ARFGEF2: variants seen among roughly 807,000 people sequenced by gnomAD.
ARFGEF2 encodes the protein ARF guanine nucleotide exchange factor 2, also known as brefeldin A-inhibited guanine nucleotide-exchange protein 2.
In ARFGEF2, 74 loss-of-function variants were observed where a neutral mutation model predicts 219.9. That is an observed-to-expected ratio of 0.34 (90% CI 0.28 to 0.41). ARFGEF2 has a LOEUF of 0.41. Ranked by LOEUF, ARFGEF2 falls within the 10% of genes least tolerant of loss-of-function variation. The pLI is 1.00. For synonymous variants in ARFGEF2, 733 were observed against 799.2 expected, an observed-to-expected ratio of 0.92 and a Z score of 1.40; for missense variants, 1,743 against 2,218.3, an observed-to-expected ratio of 0.79 and a Z score of 4.30.
chr20:49,017,618 G>A, intron 33 of ARFGEF2, 68 bp downstream of exon 33: 1 of 1,538,470 alleles, frequency 6.5e-7, no homozygotes, highest in Non-Finnish European at 8.9e-7. Flanking sequence ...CAATAAGCCT[G>A]TATAGTTTGT....
rs548722843 is a variant in ARFGEF2 at position 49,030,755 on chromosome 20, T to C, written c.5064-1294T>C. On this transcript the variant is annotated intron_variant, in intron 37 of 38. Coordinates refer to ENST00000371917, the MANE Select transcript of ARFGEF2 (RefSeq NM_006420.3). Reference sequence around the variant, plus strand: ...GGGTCACATCTGTAATCCCAGCACTTTGGGAGGCCGAGCCAGGTGGATCAC... The same window carrying C: ...GGGTCACATCTGTAATCCCAGCACTCTGGGAGGCCGAGCCAGGTGGATCAC... Among the ~76,000 whole-genome samples the C allele has an allele frequency of 1.2e-4, 19 of 152,130 alleles. No individual in the cohort carries two copies. The East Asian group carries it at 2.3e-3, about 19-fold the overall frequency.
At chr20:48,961,272 CT>C (rs1230215945) in intron 6 of ARFGEF2, among the ~76,000 whole-genome samples, 1 of 151,502 alleles carries the variant, frequency 6.6e-6, no homozygotes, top group African/African-American at 2.4e-5. Flanking sequence ...TTATTCTATA[CT>C]TTTTTTTCTA....
At chr20:48,931,425 C>T (rs1447551370) in intron 1 of ARFGEF2, among the ~76,000 whole-genome samples, 2 of 152,050 alleles carry the variant, frequency 1.3e-5, no homozygotes, top group East Asian at 3.9e-4. Context: ...GGCAAAGTGT[C>T]TGTTGTCATA....
At chr20:48,963,440 G>A (rs779688827) in intron 6 of ARFGEF2, among the ~76,000 whole-genome samples, 6 of 152,178 alleles carry the variant, frequency 3.9e-5, no homozygotes, top group South Asian at 2.1e-4. Context: ...ACCAAGGCTC[G>A]TTGGTCCCCG....
Position 49,012,059 on chromosome 20 carries a change from G to C in ARFGEF2, c.3893G>C (p.Gly1298Ala). 1 of 1,614,188 alleles carries C rather than the reference G, an allele frequency of 6.2e-7. No homozygotes were observed. Among genetic ancestry groups the C allele is most frequent in the African/African-American group, 1.3e-5 (1 of 75,046 alleles). The change falls in exon 28 of 39, where the codon GGC (glycine) becomes GCC (alanine). Residue 1298 changes from glycine to alanine, a missense_variant. Around this residue, in one of 5 missense-constraint regions of ARFGEF2, gnomAD observed 578 missense variants for 664.0 expected, o/e 0.87. Transcript: ENST00000371917. ...MEAIRLIRFC[G>A]KYVSERPRVL... Reference sequence around the variant, plus strand: ...GCGATTCGGCTCATCCGCTTCTGTGGCAAATACGTCTCTGAGAGGCCTCGG... The same window carrying C: ...GCGATTCGGCTCATCCGCTTCTGTGCCAAATACGTCTCTGAGAGGCCTCGG...
At chr20:48,937,318 G>T (rs971002183) in intron 1 of ARFGEF2, among the ~76,000 whole-genome samples, 1 of 152,220 alleles carries the variant, frequency 6.6e-6, no homozygotes, top group Non-Finnish European at 1.5e-5. Flanking sequence ...CCCTCCATGG[G>T]CTTCCTCCCA....
chr20:49,036,350 A>G lies in ARFGEF2; in HGVS notation c.*3151A>G. 1 of 397,854 alleles carries G rather than the reference A, an allele frequency of 2.5e-6. No homozygotes were observed. Among genetic ancestry groups the G allele is most frequent in the Non-Finnish European group, 4.4e-6 (1 of 225,798 alleles). 24.6% of individuals were successfully genotyped at this position (397,854 alleles called of 1,614,324 possible). ...CTCTCAAAACAAAACAATATAATCT[A>G]TCAAAGGTGTTTTACTCAGTGTTCT... On this transcript the variant is annotated 3_prime_UTR_variant, in exon 39 of 39. Transcript: ENST00000371917.
intron 37 of ARFGEF2, among the ~76,000 whole-genome samples, chr20:49,030,803 C>T (rs2091629733): frequency 6.6e-6 from 1 of 152,034 alleles, no homozygotes; most frequent in African/African-American, 2.4e-5. Flanking sequence ...TTGAGACCAG[C>T]CTGGCCAACA....
chr20:48,970,047 G>T (rs2091214996), intron 9 of ARFGEF2, among the ~76,000 whole-genome samples: 1 of 152,194 alleles, frequency 6.6e-6, no homozygotes, highest in Admixed American at 6.5e-5. Flanking sequence ...GGGTGCGGTG[G>T]CTCACACCTA....
chr20:48,998,503 A>G lies in ARFGEF2; in HGVS notation c.3430A>G (p.Lys1144Glu). ...GCATGTGATTGGAGATCACTTCAAT[A>G]AGGTAACTCTTCAAATTTAAAAACC... Reference protein sequence around the residue: ...IWHVIGDHFNKVGCNPNEDVA... With the variant: ...IWHVIGDHFNEVGCNPNEDVA... Residue 1144 changes from lysine (K) to glutamate (E), a missense_variant and splice_region_variant, in exon 25 of 39, where the codon AAG (lysine) becomes GAG (glutamate). By Grantham distance (56) the Lys-to-Glu change is moderately conservative (BLOSUM62 1). Coordinates refer to ENST00000371917, the MANE Select transcript of ARFGEF2 (RefSeq NM_006420.3). The G allele has an allele frequency of 6.2e-7, 1 of 1,613,036 alleles. No homozygotes were observed. Among genetic ancestry groups the G allele is most frequent in the Non-Finnish European group, 8.5e-7 (1 of 1,179,910 alleles).
chr20:48,954,164 A>G (rs1203831921), intron 6 of ARFGEF2, among the ~76,000 whole-genome samples: 1 of 152,194 alleles, frequency 6.6e-6, no homozygotes, highest in Non-Finnish European at 1.5e-5. Context: ...CTGGATCTCC[A>G]TGCCTTGCCC....
At chr20:48,941,782 A>T in intron 2 of ARFGEF2, 82 bp from the exon 3 acceptor site, 1 of 1,599,880 alleles carries the variant, frequency 6.3e-7, no homozygotes, top group Middle Eastern at 1.7e-4. Context: ...TTTAAATTAA[A>T]TGGTTGCAGA....
Position 48,989,806 on chromosome 20 carries a change from T to C in ARFGEF2, c.2814+122T>C, listed in dbSNP as rs769466489. 4.2e-6 allele frequency: 6 copies of C among 1,426,848 alleles called. No individual in the cohort carries two copies. In the African/African-American group the frequency reaches 4.2e-5, roughly 10 times the overall value. The allele number at this position is 1,426,848 out of a possible 1,614,324, so 88.4% of individuals were successfully genotyped here. ...AGACTCTTAGCAAGCTACTTACTTA[T>C]GCCTACTGACAAGAAATCCGTAGCT... On this transcript the variant is annotated intron_variant, in intron 20 of 38. Transcript: ENST00000371917.
intron 10 of ARFGEF2, 67 bp from the exon 11 acceptor site, chr20:48,972,259 C>A: frequency 8.5e-7 from 1 of 1,175,410 alleles, no homozygotes; most frequent in Non-Finnish European, 1.3e-6. Flanking sequence ...CTGCTGAAGA[C>A]TTTGGAGGTT....
intron 3 of ARFGEF2, among the ~76,000 whole-genome samples, chr20:48,947,026 C>T (rs980051583): frequency 1.3e-5 from 2 of 152,022 alleles, no homozygotes; most frequent in South Asian, 2.1e-4. Flanking sequence ...AGGCTGGTCT[C>T]GAACTCCTGG....
chr20:49,025,537 T>A (rs2091596993), intron 36 of ARFGEF2, 56 bp downstream of exon 36: 1 of 1,605,480 alleles, frequency 6.2e-7, no homozygotes, highest in South Asian at 1.1e-5. Context: ...TCCTAAAACA[T>A]TAAAGTGCTT....
chr20:49,024,294 CAT>C (rs1461676302), intron 35 of ARFGEF2, among the ~76,000 whole-genome samples: 2 of 152,138 alleles, frequency 1.3e-5, no homozygotes, highest in African/African-American at 2.4e-5. Context: ...TTCTTGAAAA[CAT>C]AGAGAATTCA....
At chr20:48,929,110 G>A (rs1328032691) in intron 1 of ARFGEF2, among the ~76,000 whole-genome samples, 1 of 152,200 alleles carries the variant, frequency 6.6e-6, no homozygotes, top group Non-Finnish European at 1.5e-5. Flanking sequence ...CAGGCTTAGG[G>A]GGCCTGCCAG....
At chr20:48,994,347 A>G in intron 21 of ARFGEF2, 104 bp from the exon 22 acceptor site, 1 of 1,359,292 alleles carries the variant, frequency 7.4e-7, no homozygotes, top group South Asian at 1.2e-5. Flanking sequence ...TATATGGCAT[A>G]ACTCCATTGA....
Sources: gnomAD v4.1 joint callset for allele counts (sites outside exome capture counted in the v4.1 genomes callset) on GRCh38, gnomAD v4.1.1 for gene constraint, gnomAD v4.1.1 regional missense constraint, MANE v1.5 for transcripts, NCBI Gene and HGNC (gene_info 2026-07-23, HGNC 2026-07-21) for gene names.